Variants in TENM1 observed in about 807,000 individuals in gnomAD.
The protein encoded by TENM1 is teneurin-1.
In TENM1, 35 loss-of-function variants were observed where a neutral mutation model predicts 174.8. The ratio of observed to expected loss-of-function variants is 0.20; its 90% CI spans 0.15 to 0.27. TENM1 has a LOEUF of 0.27. TENM1 is among the 10% of genes least tolerant of loss of function. The pLI is 1.00. For synonymous variants in TENM1, 781 were observed against 798.7 expected, an observed-to-expected ratio of 0.98 and a Z score of 0.37; for missense variants, 1,633 against 2,130.1, an observed-to-expected ratio of 0.77 and a Z score of 4.59.
chrX:124,639,224 C>G (rs1434703800), intron 11 of TENM1, among the ~76,000 whole-genome samples: 2 of 111,843 alleles, frequency 1.8e-5, no homozygotes, highest in Non-Finnish European at 1.9e-5. Context: ...CACTCCTAGG[C>G]TATAGCTATA....
At chrX:124,546,285 T>A (rs2048427444) in intron 15 of TENM1, among the ~76,000 whole-genome samples, 1 of 112,101 alleles carries the variant, frequency 8.9e-6, no homozygotes, top group Non-Finnish European at 1.9e-5. Flanking sequence ...GTAAAATATA[T>A]CATCGCTGAA....
At chrX:124,697,566 T>C (rs1182756171) in intron 5 of TENM1, among the ~76,000 whole-genome samples, 1 of 111,341 alleles carries the variant, frequency 9.0e-6, no homozygotes, top group Non-Finnish European at 1.9e-5. Context: ...TCTTAGTACT[T>C]CTTTATTGCC....
chrX:124,384,812 C>G (rs1160410795), exon 30 of TENM1: 1 of 1,206,247 alleles, frequency 8.3e-7, no homozygotes, highest in African/African-American at 1.7e-5. Flanking sequence ...ATTCACAAGG[C>G]CTTCTTCACT....
the TENM1 span, among the ~76,000 whole-genome samples, chrX:124,970,847 G>T: frequency 0.031 from 3,376 of 110,405 alleles, 89 homozygotes; most frequent in African/African-American, 0.089. Context: ...GTATGTTCAT[G>T]GCGGCACTAT....
At chrX:124,575,030 CACACA>C (rs2049135356) in intron 11 of TENM1, among the ~76,000 whole-genome samples, 1 of 112,203 alleles carries the variant, frequency 8.9e-6, no homozygotes, top group Non-Finnish European at 1.9e-5. Flanking sequence ...AACACACGTG[CACACA>C]TGCATGCACA....
chrX:124,493,216 A>G (rs1167149051), intron 20 of TENM1, among the ~76,000 whole-genome samples: 2 of 111,806 alleles, frequency 1.8e-5, no homozygotes, highest in Admixed American at 1.9e-4. Flanking sequence ...AAGTTATTCT[A>G]TTTTATACTT....
chrX:124,592,814 G>C (rs1413958553), intron 11 of TENM1, among the ~76,000 whole-genome samples: 2 of 106,736 alleles, frequency 1.9e-5, no homozygotes, highest in South Asian at 4.3e-4. Context: ...CCCTCCCTAG[G>C]GGGTGTGACT....
At chrX:124,917,375 G>A (rs1343505570) in intron 1 of TENM1, among the ~76,000 whole-genome samples, 3 of 111,647 alleles carry the variant, frequency 2.7e-5, no homozygotes, top group South Asian at 3.8e-4. Flanking sequence ...ATTCACTGTC[G>A]GAGTTCTGAC....
At chrX:124,834,654 A>ACTCT (rs1202185588) in intron 3 of TENM1, among the ~76,000 whole-genome samples, 1 of 111,201 alleles carries the variant, frequency 9.0e-6, no homozygotes, top group African/African-American at 3.3e-5. Context: ...GCCCAAAAGA[A>ACTCT]CTCTTTACTA....
In TENM1 at chrX:124,485,598, C is replaced by T. The variant is rs1325879767; in HGVS notation, c.3716+1611G>A. Among the ~76,000 whole-genome samples, 4 of 111,274 alleles carry T rather than the reference C, an allele frequency of 3.6e-5. No homozygotes were observed. In the East Asian group the frequency reaches 1.1e-3, roughly 32 times the overall value. On this transcript the variant is annotated intron_variant, in intron 21 of 31. Transcript: ENST00000422452. Reference sequence around the variant, plus strand: ...GCTTTGTTTAGGAAGAGTCCATAGGCCATTTTTCCAAGAGAAATGCTATTT... The same window carrying T: ...GCTTTGTTTAGGAAGAGTCCATAGGTCATTTTTCCAAGAGAAATGCTATTT...
chrX:125,037,727 A>T, the TENM1 span, among the ~76,000 whole-genome samples: 89 of 111,575 alleles, frequency 8.0e-4, no homozygotes, highest in African/African-American at 2.7e-3. Flanking sequence ...ATACTTACAG[A>T]CAGTTCTCAT....
the TENM1 span, among the ~76,000 whole-genome samples, chrX:125,020,049 A>G: frequency 1.8e-5 from 2 of 109,664 alleles, no homozygotes; most frequent in Non-Finnish European, 3.8e-5. Context: ...GATCTCCCCA[A>G]CATTCATCTT....
At chrX:124,821,138 CA>C (rs2056027933) in intron 3 of TENM1, among the ~76,000 whole-genome samples, 1 of 112,264 alleles carries the variant, frequency 8.9e-6, no homozygotes, top group Non-Finnish European at 1.9e-5. Flanking sequence ...TGTCATTTAT[CA>C]ATATCTTGTA....
chrX:125,147,151 CACAT>C, the TENM1 span, among the ~76,000 whole-genome samples: 5 of 95,458 alleles, frequency 5.2e-5, no homozygotes, highest in African/African-American at 1.9e-4. Flanking sequence ...GTATATATAT[CACAT>C]ATATGTGTGT....
chrX:125,016,087 T>C, the TENM1 span, among the ~76,000 whole-genome samples: 1 of 111,319 alleles, frequency 9.0e-6, no homozygotes, highest in Non-Finnish European at 1.9e-5. Context: ...GTGATGTATA[T>C]AAAAATCTCT....
intron 14 of TENM1, among the ~76,000 whole-genome samples, chrX:124,549,305 C>T (rs1395628009): frequency 2.7e-5 from 3 of 111,975 alleles, no homozygotes; most frequent in Non-Finnish European, 5.6e-5. Context: ...CAATGAAAAA[C>T]TGCTTTTCAA....
chrX:124,481,886 G>C (rs1336077225), exon 22 of TENM1: 1 of 1,203,783 alleles, frequency 8.3e-7, no homozygotes, highest in Non-Finnish European at 1.1e-6. Flanking sequence ...TGTAGACTTT[G>C]CGAGTATTGG....
At chrX:125,082,261 C>T in the TENM1 span, among the ~76,000 whole-genome samples, 2 of 110,705 alleles carry the variant, frequency 1.8e-5, no homozygotes, top group East Asian at 5.7e-4. Flanking sequence ...ATGGCAATAA[C>T]TTCTTAACTG....
chrX:124,548,141 A>C, intron 14 of TENM1, among the ~76,000 whole-genome samples: 1 of 112,247 alleles, frequency 8.9e-6, no homozygotes. Context: ...CAGCCGATGC[A>C]ATTACTACCA....
Sources: gnomAD v4.1 joint callset for allele counts (sites outside exome capture counted in the v4.1 genomes callset) on GRCh38, gnomAD v4.1.1 for gene constraint, MANE v1.5 for transcripts, NCBI Gene and HGNC (gene_info 2026-07-23, HGNC 2026-07-21) for gene names.